Variants in STT3A observed in about 807,000 individuals in gnomAD.
STT3A encodes STT3 oligosaccharyltransferase complex catalytic subunit A.
A neutral mutation model predicts 89.2 loss-of-function variants in STT3A; 34 were observed. That is an observed-to-expected ratio of 0.38 (90% CI 0.29 to 0.51). The LOEUF (loss-of-function observed/expected upper bound fraction) is 0.51. Ranked by LOEUF, STT3A falls within the 20% of genes least tolerant of loss-of-function variation. The pLI is 0.89. For missense variants in STT3A, 555 were observed against 889.5 expected (o/e 0.62, Z 4.78); for synonymous variants, 282 against 310.3 (o/e 0.91, Z 0.96).
At chr11:125,620,183 A>G in intron 17 of STT3A, 57 bp downstream of exon 17, 3 of 1,388,582 alleles carry the variant, frequency 2.2e-6, no homozygotes, top group Non-Finnish European at 3.0e-6. Flanking sequence ...ATTGGTTTCA[A>G]TGCTTATAAA....
At chr11:125,599,840 C>G (rs1486230711) in intron 3 of STT3A, among the ~76,000 whole-genome samples, 5 of 145,120 alleles carry the variant, frequency 3.4e-5, no homozygotes, top group Admixed American at 1.4e-4. Context: ...AAGCGATTCT[C>G]CTGCCTCAGC....
At position 125,614,403 on chromosome 11, in the gene STT3A, G is replaced by A. The variant is rs1198184862; in HGVS notation, c.1751G>A (p.Gly584Asp). 1 of 1,613,912 alleles carries A rather than the reference G, an allele frequency of 6.2e-7. No homozygotes were observed. The highest frequency in any genetic ancestry group is 2.2e-5 in the East Asian group (1 of 44,870). ...AGCTATGTGCTGGTCATTTTTGGAG[G>A]CCTCACTGGGTATTCCTCTGATGGT... Reference protein sequence around the residue: ...DVSYVLVIFGGLTGYSSDDIN... With the variant: ...DVSYVLVIFGDLTGYSSDDIN... The change falls in exon 15 of 18, where the codon GGC becomes GAC. Residue 584 changes from glycine to aspartate, a missense_variant. Around this residue, in one of 5 missense-constraint regions of STT3A, gnomAD observed 273 missense variants for 449.8 expected, o/e 0.61. Transcript: ENST00000392708. This position sits in a 1 kb window ranked among gnomAD's most constrained non-coding sequence, Gnocchi z 4.9.
Position 125,612,604 on chromosome 11 carries a change from C to T in STT3A, c.1222C>T (p.Leu408=). 6.2e-7 allele frequency: 1 copy of T among 1,613,944 alleles called. No individual in the cohort carries two copies. Among genetic ancestry groups the T allele is most frequent in the Non-Finnish European group, 8.5e-7 (1 of 1,179,922 alleles). The change falls in exon 12 of 18, where the codon CTA becomes TTA. Residue 408 remains leucine (L), a synonymous_variant. Transcript: ENST00000392708. Reference sequence around the variant, plus strand: ...CTGTCTCTGTTAGGTGCGTCTAATGCTAGTGTTGGCACCTGTTATGTGCAT... The same window carrying T: ...CTGTCTCTGTTAGGTGCGTCTAATGTTAGTGTTGGCACCTGTTATGTGCAT... ...YFSAVMVRLM[L]VLAPVMCILS...
In STT3A at chr11:125,613,335, T is replaced by G. The variant is rs1219157715; in HGVS notation, c.1554+158T>G. Among the ~76,000 whole-genome samples, 1 of 152,194 alleles carries G rather than the reference T, an allele frequency of 6.6e-6. No homozygotes were observed. The highest frequency in any genetic ancestry group is 2.4e-5 in the African/African-American group (1 of 41,434). ...ATGAGCCTTAAAGGTGAACCTCCAT[T>G]CAATTCTGGGATCTTTTGTAGTTAC... On this transcript the variant is annotated intron_variant, in intron 13 of 17. Coordinates refer to ENST00000392708, the MANE Select transcript of STT3A (RefSeq NM_152713.5). The surrounding 1 kb of genome is among the most constrained non-coding windows in gnomAD (Gnocchi z 4.2).
intron 8 of STT3A, 29 bp downstream of exon 8, chr11:125,606,494 GCTT>G (rs1301133241): frequency 2.9e-5 from 46 of 1,589,588 alleles, no homozygotes; most frequent in Non-Finnish European, 3.7e-5. Flanking sequence ...AGGGTTTTCA[GCTT>G]CTACTTTTTC....
At chr11:125,600,468 C>A (rs1939639399) in intron 3 of STT3A, among the ~76,000 whole-genome samples, 2 of 151,972 alleles carry the variant, frequency 1.3e-5, no homozygotes, top group Non-Finnish European at 2.9e-5. Flanking sequence ...CTCAGGTGAT[C>A]CTCTTATTTC....
intron 3 of STT3A, among the ~76,000 whole-genome samples, chr11:125,598,324 C>T (rs1939560208): frequency 6.6e-6 from 1 of 152,202 alleles, no homozygotes; most frequent in South Asian, 2.1e-4. Flanking sequence ...GTTTGTCTGA[C>T]TCCAGAGACT....
Position 125,618,364 on chromosome 11 carries a change from T to C in STT3A, c.1775-9T>C. ...TGATGCAGCAGTTCTTTTTTTTTTT[T>C]TCTCCTAGATATCAACAAGTTTCTT... On this transcript the variant is annotated splice_polypyrimidine_tract_variant and intron_variant, in intron 15 of 17. Transcript: ENST00000392708. The C allele has an allele frequency of 6.4e-7, 1 of 1,571,346 alleles. No individual in the cohort carries two copies. Among genetic ancestry groups the C allele is most frequent in the Non-Finnish European group, 8.6e-7 (1 of 1,163,382 alleles).
chr11:125,601,816 T>C (rs1939689585), intron 3 of STT3A, among the ~76,000 whole-genome samples: 4 of 151,622 alleles, frequency 2.6e-5, no homozygotes, highest in African/African-American at 7.3e-5. Flanking sequence ...TATTTTTTTT[T>C]CTGAGATGGA....
At chr11:125,620,566 A>G (rs1940318481) in intron 17 of STT3A, among the ~76,000 whole-genome samples, 1 of 152,232 alleles carries the variant, frequency 6.6e-6, no homozygotes, top group Admixed American at 6.5e-5. Flanking sequence ...TGGAGGGTAG[A>G]TCAGTAATAT....
At chr11:125,617,239 T>A (rs968620965) in intron 15 of STT3A, among the ~76,000 whole-genome samples, 8 of 152,204 alleles carry the variant, frequency 5.3e-5, no homozygotes, top group African/African-American at 1.9e-4. Flanking sequence ...GACAAACAAC[T>A]TACTAAATGC....
chr11:125,599,760 C>T (rs879245879), intron 3 of STT3A, among the ~76,000 whole-genome samples: 13 of 145,366 alleles, frequency 8.9e-5, no homozygotes, highest in South Asian at 4.4e-4. Context: ...GATGGAGTTT[C>T]GCTCTTGTTG....
upstream of STT3A, among the ~76,000 whole-genome samples, chr11:125,592,117 G>A (rs1030239843): frequency 2.0e-5 from 3 of 152,182 alleles, no homozygotes; most frequent in African/African-American, 4.8e-5. Context: ...CTGCTGGGGA[G>A]GGCTGTGCCT....
intron 15 of STT3A, among the ~76,000 whole-genome samples, chr11:125,616,475 G>A (rs1378619316): frequency 6.6e-6 from 1 of 152,112 alleles, no homozygotes; most frequent in Non-Finnish European, 1.5e-5. Context: ...CCACAGATAT[G>A]GAAGGCCAAC....
intron 3 of STT3A, among the ~76,000 whole-genome samples, chr11:125,600,926 A>G (rs749611311): frequency 5.9e-5 from 9 of 152,080 alleles, no homozygotes; most frequent in Non-Finnish European, 1.0e-4. Flanking sequence ...GGCTGAGACT[A>G]TAGGTGTGTG....
rs1939836290 is a variant in STT3A, at chr11:125,606,305, C to T, written c.620C>T (p.Ser207Leu). 6.2e-6 allele frequency: 10 copies of T among 1,613,230 alleles called. No individual in the cohort carries two copies. The highest frequency in any genetic ancestry group is 2.2e-5 in the East Asian group (1 of 44,882). ...TTTTTTTCTATTCCATCATAGGTCTCGTCATGGGGAGGTTATGTGTTCCTG... is the reference window on the plus strand; with the variant it reads ...TTTTTTTCTATTCCATCATAGGTCTTGTCATGGGGAGGTTATGTGTTCCTG... The part of the protein sequence containing the change: ...KCALAYFYMV[S>L]SWGGYVFLIN... Residue 207 changes from serine to leucine, a missense_variant, in exon 8 of 18, where the codon TCG (serine) becomes TTG (leucine). This residue lies in a region of STT3A where 149 missense variants were observed against 206.2 expected (regional missense o/e 0.72). Coordinates refer to ENST00000392708, the MANE Select transcript of STT3A (RefSeq NM_152713.5).
chr11:125,609,376 G>A (rs910214989), intron 9 of STT3A, 58 bp from the exon 10 acceptor site: 3 of 1,488,276 alleles, frequency 2.0e-6, no homozygotes, highest in Non-Finnish European at 2.7e-6. Flanking sequence ...TGATTCATTT[G>A]GATCAGATGT....
chr11:125,595,822 T>A (rs1939476574), intron 1 of STT3A, 59 bp from the exon 2 acceptor site: 2 of 834,638 alleles, frequency 2.4e-6, no homozygotes, highest in African/African-American at 3.4e-5. Context: ...TCATAAAATA[T>A]GAAAATTAAG....
rs1286663784 is a variant in STT3A at position 125,614,228 on chromosome 11, G to A, written c.1671+25G>A. ...GGTAAGATAAAGGGATGATCTTTGA[G>A]TGTTTGGTGTACAAGGTCTAATGGG... On this transcript the variant is annotated intron_variant, in intron 14 of 17. Transcript: ENST00000392708. The surrounding 1 kb of genome is among the most constrained non-coding windows in gnomAD (Gnocchi z 4.9). 6.2e-7 allele frequency: 1 copy of A among 1,612,816 alleles called. No individual in the cohort carries two copies. The highest frequency in any genetic ancestry group is 1.1e-5 in the South Asian group (1 of 91,054).
Sources: gnomAD v4.1 joint callset for allele counts (sites outside exome capture counted in the v4.1 genomes callset) on GRCh38, gnomAD v4.1.1 for gene constraint, gnomAD v4.1.1 regional missense constraint, Gnocchi (gnomAD v3.1) non-coding constraint, MANE v1.5 for transcripts, NCBI Gene and HGNC (gene_info 2026-07-23, HGNC 2026-07-21) for gene names.